CNTNAP2: variants seen among roughly 807,000 people sequenced by gnomAD.
CNTNAP2 encodes the protein contactin-associated protein-like 2.
In CNTNAP2, 98 loss-of-function variants were observed where a neutral mutation model predicts 155.2. The observed-to-expected ratio is 0.63, with a 90% CI of 0.54 to 0.75. The LOEUF is 0.75. Among genes scored for constraint, CNTNAP2 ranks in the 30% least tolerant of loss-of-function variants. The pLI is 0.00. For missense variants in CNTNAP2, 1,727 were observed against 1,688.1 expected, an observed-to-expected ratio of 1.02 and a Z score of -0.40; for synonymous variants, 651 against 631.2, an observed-to-expected ratio of 1.03 and a Z score of -0.47.
At chr7:146,630,014 G>A (rs1585014744) in intron 1 of CNTNAP2, among the ~76,000 whole-genome samples, 2 of 151,682 alleles carry the variant, frequency 1.3e-5, no homozygotes, top group African/African-American at 2.4e-5. Flanking sequence ...TAAGTTCTGG[G>A]GTACATGTGC....
intron 8 of CNTNAP2, among the ~76,000 whole-genome samples, chr7:147,218,798 G>C (rs1803330856): frequency 6.6e-6 from 1 of 152,086 alleles, no homozygotes; most frequent in Non-Finnish European, 1.5e-5. Context: ...GCCTGCCATG[G>C]TCATCTATTT....
rs375667412 is a variant in CNTNAP2 at position 147,201,964 on chromosome 7, G to T, written c.1348+69455G>T. Among the ~76,000 whole-genome samples the T allele has an allele frequency of 2.6e-5, 4 of 152,190 alleles. No homozygotes were observed. The South Asian group carries it at 6.2e-4, about 24-fold the overall frequency. On this transcript the variant is annotated intron_variant, in intron 8 of 23. Coordinates refer to ENST00000361727, the MANE Select transcript of CNTNAP2 (RefSeq NM_014141.6). ...AGACAAGCAAAAAGCAAGGACTTGA[G>T]CTTACACAATAGAACGAATGTCCTT... is the stretch of plus-strand genomic sequence containing the variant.
intron 10 of CNTNAP2, among the ~76,000 whole-genome samples, chr7:147,427,894 G>A (rs1306568162): frequency 6.6e-6 from 1 of 151,952 alleles, no homozygotes; most frequent in African/African-American, 2.4e-5. Context: ...CTGTTTATAT[G>A]CAAACCTAAA....
chr7:148,355,650 C>CG (rs1798501114), intron 21 of CNTNAP2, among the ~76,000 whole-genome samples: 1 of 152,190 alleles, frequency 6.6e-6, no homozygotes, highest in Admixed American at 6.5e-5. Context: ...ACCAACAGTA[C>CG]GCAGCGGCTG....
intron 3 of CNTNAP2, among the ~76,000 whole-genome samples, chr7:147,004,041 T>G (rs1798477277): frequency 6.6e-6 from 1 of 151,928 alleles, no homozygotes. Flanking sequence ...AATTTCAAAA[T>G]ATCATTTAAC....
chr7:147,039,206 G>A (rs200586898), intron 3 of CNTNAP2, among the ~76,000 whole-genome samples: 5 of 151,738 alleles, frequency 3.3e-5, no homozygotes, highest in Non-Finnish European at 2.9e-5. Flanking sequence ...GTGTGTATGT[G>A]TATATATATA....
intron 20 of CNTNAP2, among the ~76,000 whole-genome samples, chr7:148,241,979 A>G (rs888910941): frequency 6.6e-6 from 1 of 152,222 alleles, no homozygotes; most frequent in African/African-American, 2.4e-5. Context: ...TTGAGATGTC[A>G]GTCCTCTCTT....
At chr7:146,406,654 G>C (rs940039371) in intron 1 of CNTNAP2, among the ~76,000 whole-genome samples, 1 of 152,130 alleles carries the variant, frequency 6.6e-6, no homozygotes, top group African/African-American at 2.4e-5. Flanking sequence ...GAGGACAAAG[G>C]GGTTTCAGGC....
chr7:146,944,379 A>G (rs1364719002), intron 3 of CNTNAP2, among the ~76,000 whole-genome samples: 1 of 152,020 alleles, frequency 6.6e-6, no homozygotes, highest in Non-Finnish European at 1.5e-5. Flanking sequence ...CACATTTATT[A>G]TGTGTTGCAT....
At chr7:148,160,421 A>G (rs996428971) in intron 17 of CNTNAP2, among the ~76,000 whole-genome samples, 6 of 152,044 alleles carry the variant, frequency 3.9e-5, no homozygotes, top group Admixed American at 2.6e-4. Context: ...AAAAAAAAAA[A>G]AAAGAAAAAA....
intron 13 of CNTNAP2, among the ~76,000 whole-genome samples, chr7:147,770,264 T>C (rs375605945): frequency 1.3e-5 from 2 of 152,320 alleles, no homozygotes; most frequent in Admixed American, 6.5e-5. Context: ...TACACTACTA[T>C]AGTGTTGTTG....
intron 21 of CNTNAP2, among the ~76,000 whole-genome samples, chr7:148,289,490 T>C (rs959406520): frequency 6.6e-6 from 1 of 151,102 alleles, no homozygotes; most frequent in Admixed American, 6.6e-5. Flanking sequence ...GTATGACCAA[T>C]AAACACCAAC....
intron 1 of CNTNAP2, among the ~76,000 whole-genome samples, chr7:146,122,194 C>G (rs1249547490): frequency 1.3e-5 from 2 of 152,336 alleles, no homozygotes; most frequent in South Asian, 4.1e-4. Flanking sequence ...CCCCTCCTTT[C>G]TCCTTCCAGG....
At chr7:147,739,722 C>T (rs1198516450) in intron 13 of CNTNAP2, among the ~76,000 whole-genome samples, 2 of 151,874 alleles carry the variant, frequency 1.3e-5, no homozygotes, top group African/African-American at 4.8e-5. Context: ...TTTCATCATA[C>T]AGTAAAAGTC....
At chr7:147,408,474 C>T (rs1264887653) in intron 10 of CNTNAP2, among the ~76,000 whole-genome samples, 1 of 152,204 alleles carries the variant, frequency 6.6e-6, no homozygotes, top group African/African-American at 2.4e-5. Context: ...GAAAGAGGAC[C>T]TTGCGGCCGG....
At chr7:147,569,353 AC>A (rs1475261706) in intron 12 of CNTNAP2, among the ~76,000 whole-genome samples, 3 of 150,188 alleles carry the variant, frequency 2.0e-5, no homozygotes, top group African/African-American at 4.9e-5. Context: ...AAACCCACCC[AC>A]CTCCACCTCC....
At chr7:147,740,680 A>G (rs867983979) in intron 13 of CNTNAP2, among the ~76,000 whole-genome samples, 4 of 152,232 alleles carry the variant, frequency 2.6e-5, no homozygotes, top group African/African-American at 7.2e-5. Flanking sequence ...CACTTCCTCA[A>G]ATTGTTTTTG....
chr7:146,477,317 G>A (rs1796892563), intron 1 of CNTNAP2, among the ~76,000 whole-genome samples: 1 of 152,214 alleles, frequency 6.6e-6, no homozygotes, highest in East Asian at 1.9e-4. Context: ...TGACTGTGAA[G>A]ACTCTAACTG....
chr7:148,251,938 C>G (rs915998191), intron 20 of CNTNAP2, among the ~76,000 whole-genome samples: 7 of 152,224 alleles, frequency 4.6e-5, no homozygotes, highest in Non-Finnish European at 8.8e-5. Context: ...GCCACCAACA[C>G]AGGAGCCTGT....
Sources: allele counts gnomAD v4.1 joint callset (sites outside exome capture counted in the v4.1 genomes callset), GRCh38; gene constraint gnomAD v4.1.1; transcripts MANE v1.5; gene names NCBI Gene and HGNC (gene_info 2026-07-23, HGNC 2026-07-21).